The following ZNF462 variants were observed in gnomAD, a reference collection of about 807,000 sequenced individuals.
The protein encoded by ZNF462 is zinc finger protein 462.
In ZNF462, 10 loss-of-function variants were observed where a neutral mutation model predicts 201.9. The observed-to-expected ratio is 0.05, with a 90% CI of 0.03 to 0.08. The LOEUF (loss-of-function observed/expected upper bound fraction) is 0.08. Ranked by LOEUF, ZNF462 falls within the 10% of genes least tolerant of loss-of-function variation. ZNF462 has a pLI of 1.00. For missense variants in ZNF462, 2,523 were observed against 3,168.3 expected, an observed-to-expected ratio of 0.80 and a Z score of 4.89; for synonymous variants, 1,227 against 1,193.3, an observed-to-expected ratio of 1.03 and a Z score of -0.58.
intron 1 of ZNF462, 75 bp downstream of exon 1, chr9:106,863,430 C>G (rs758239929): frequency 1.3e-5 from 5 of 382,950 alleles, no homozygotes; most frequent in African/African-American, 2.1e-5. Context: ...GTGGTGGAGG[C>G]ACAAACGCGC....
At position 106,987,664 on chromosome 9, in the gene ZNF462, T is replaced by A. The variant is rs188124568; in HGVS notation, c.7056+3255T>A. Reference sequence around the variant, plus strand: ...TCTGCCATGCAAAAGCTCTTTAGTTTAAGTAAGTCCCAACTATTTATCTTT... The same window carrying A: ...TCTGCCATGCAAAAGCTCTTTAGTTAAAGTAAGTCCCAACTATTTATCTTT... On this transcript the variant is annotated intron_variant, in intron 10 of 12. Coordinates refer to ENST00000277225, the MANE Select transcript of ZNF462 (RefSeq NM_021224.6). 3.4e-3 allele frequency among the ~76,000 whole-genome samples: 511 copies of A among 152,342 alleles called. 1 individual carries two copies. Among genetic ancestry groups the A allele is most frequent in the Non-Finnish European group, 5.1e-3 (347 of 68,038 alleles).
intron 7 of ZNF462, among the ~76,000 whole-genome samples, chr9:106,959,166 C>A (rs969633811): frequency 7.9e-5 from 12 of 152,076 alleles, no homozygotes; most frequent in African/African-American, 2.7e-4. Flanking sequence ...CACAATCAAT[C>A]CCCTCCCCAC....
intron 7 of ZNF462, among the ~76,000 whole-genome samples, chr9:106,940,743 G>A (rs890635495): frequency 6.6e-6 from 1 of 151,984 alleles, no homozygotes; most frequent in African/African-American, 2.4e-5. Context: ...GGGGAAGGAA[G>A]CCTGTAGTGT....
At chr9:106,921,518 C>T (rs942888358) in intron 1 of ZNF462, among the ~76,000 whole-genome samples, 2 of 152,118 alleles carry the variant, frequency 1.3e-5, no homozygotes, top group African/African-American at 4.8e-5. Context: ...GCTCAGAGGA[C>T]TAGGGCAGCT....
Position 106,927,184 on chromosome 9 carries a change from C to G in ZNF462, c.3272C>G (p.Pro1091Arg). 1 of 1,613,708 alleles carries G rather than the reference C, an allele frequency of 6.2e-7. No homozygotes were observed. The highest frequency in any genetic ancestry group is 8.5e-7 in the Non-Finnish European group (1 of 1,179,964). ...TTTGAGGTGGGTGCTCCAATGTCTC[C>G]CAAAATGTCCAACATGGGTTCCCCA... Reference protein sequence around the residue: ...LSFEVGAPMSPKMSNMGSPPP... With the variant: ...LSFEVGAPMSRKMSNMGSPPP... Residue 1091 changes from proline to arginine, a missense_variant, in exon 3 of 13, where the codon CCC becomes CGC. This residue lies in a region of ZNF462 where 280 missense variants were observed against 321.3 expected (regional missense o/e 0.87). Transcript: ENST00000277225.
Position 106,890,258 on chromosome 9 carries a change from A to G in ZNF462, c.-31+26903A>G, listed in dbSNP as rs1399570288. Among the ~76,000 whole-genome samples, 1 of 152,216 alleles carries G rather than the reference A, an allele frequency of 6.6e-6. No individual in the cohort carries two copies. Among genetic ancestry groups the G allele is most frequent in the Non-Finnish European group, 1.5e-5 (1 of 68,034 alleles). On this transcript the variant is annotated intron_variant, in intron 1 of 12. Coordinates refer to ENST00000277225, the MANE Select transcript of ZNF462 (RefSeq NM_021224.6). The surrounding 1 kb of genome is among the most constrained non-coding windows in gnomAD (Gnocchi z 4.2). ...GGCCTCACTCTTCAATTCTGTTGTC[A>G]GCCTATGTTCCACAATCATTTGTGT...
intron 1 of ZNF462, among the ~76,000 whole-genome samples, chr9:106,900,686 C>T (rs974200051): frequency 6.6e-6 from 1 of 152,102 alleles, no homozygotes; most frequent in South Asian, 2.1e-4. Context: ...TGTATCTCTT[C>T]TTTTGAGAAT....
intron 7 of ZNF462, 32 bp from the exon 8 acceptor site, chr9:106,971,973 T>A: frequency 6.3e-7 from 1 of 1,595,584 alleles, no homozygotes; most frequent in Non-Finnish European, 8.6e-7. Flanking sequence ...GTGTTCTCTG[T>A]GCCCCGTGTC....
chr9:106,912,663 C>T (rs1187275473), intron 1 of ZNF462, among the ~76,000 whole-genome samples: 2 of 151,938 alleles, frequency 1.3e-5, no homozygotes, highest in Non-Finnish European at 2.9e-5. Context: ...AAGGCTTGGG[C>T]AGGTTATTTT....
Position 106,928,511 on chromosome 9 carries a change from C to T in ZNF462, c.4599C>T (p.His1533=). The T allele has an allele frequency of 6.2e-7, 1 of 1,614,184 alleles. No individual in the cohort carries two copies. The highest frequency in any genetic ancestry group is 2.2e-5 in the East Asian group (1 of 44,872). Reference sequence around the variant, plus strand: ...CCCGCATCCACGGCGTACTGACCCACTACCAGAAGCGACACCCGTCCATCA... The same window carrying T: ...CCCGCATCCACGGCGTACTGACCCATTACCAGAAGCGACACCCGTCCATCA... The part of the protein sequence containing the change: ...INTRIHGVLT[H]YQKRHPSIKV... Residue 1533 remains histidine, a synonymous_variant, in exon 3 of 13, where the codon CAC becomes CAT. Coordinates refer to ENST00000277225, the MANE Select transcript of ZNF462 (RefSeq NM_021224.6). The surrounding 1 kb of genome is among the most constrained non-coding windows in gnomAD (Gnocchi z 9.3).
chr9:106,997,161 T>G (rs1828798267), intron 10 of ZNF462, among the ~76,000 whole-genome samples: 1 of 152,070 alleles, frequency 6.6e-6, no homozygotes, highest in Non-Finnish European at 1.5e-5. Context: ...TGTACATATG[T>G]AAGGTGTACA....
intron 7 of ZNF462, among the ~76,000 whole-genome samples, chr9:106,960,961 A>C (rs1294851623): frequency 6.6e-6 from 1 of 152,112 alleles, no homozygotes; most frequent in Admixed American, 6.6e-5. Flanking sequence ...GGATGAGTGC[A>C]TTTCTAATGG....
rs1011558546 is a variant in ZNF462 at position 106,981,656 on chromosome 9, A to G, written c.6833-2530A>G. ...CTTCAGGGTGTTATTCTGACTATTCATGACTTTGTGTAAAATTCACTTAGA... is the reference window on the plus strand; with the variant it reads ...CTTCAGGGTGTTATTCTGACTATTCGTGACTTTGTGTAAAATTCACTTAGA... On this transcript the variant is annotated intron_variant, in intron 9 of 12. Transcript: ENST00000277225. The surrounding 1 kb of genome is among the most constrained non-coding windows in gnomAD (Gnocchi z 4.0). Among the ~76,000 whole-genome samples the G allele has an allele frequency of 6.6e-6, 1 of 152,228 alleles. No homozygotes were observed.
At chr9:107,002,960 C>CA (rs375087724) in intron 10 of ZNF462, among the ~76,000 whole-genome samples, 39 of 151,986 alleles carry the variant, frequency 2.6e-4, no homozygotes, top group African/African-American at 8.4e-4. Flanking sequence ...AATTCAACTA[C>CA]AAAAAAAATG....
At position 106,930,204 on chromosome 9, in the gene ZNF462, G is replaced by T. The variant is rs944230370; in HGVS notation, c.5848-321G>T. Among the ~76,000 whole-genome samples the T allele has an allele frequency of 1.3e-5, 2 of 152,122 alleles. No homozygotes were observed. Among genetic ancestry groups the T allele is most frequent in the Non-Finnish European group, 2.9e-5 (2 of 68,022 alleles). ...TTATTTTATCAAGAAGTTCATTAAT[G>T]GCGCAACTATGCAACGTTTCACCTG... On this transcript the variant is annotated intron_variant, in intron 3 of 12. Transcript: ENST00000277225. The surrounding 1 kb of genome is among the most constrained non-coding windows in gnomAD (Gnocchi z 5.8).
At position 106,890,340 on chromosome 9, in the gene ZNF462, A is replaced by G. The variant is rs1332278488; in HGVS notation, c.-31+26985A>G. On this transcript the variant is annotated intron_variant, in intron 1 of 12. Transcript: ENST00000277225. This position sits in a 1 kb window ranked among gnomAD's most constrained non-coding sequence, Gnocchi z 4.2. ...CAACACATGCAGTGCCCCTTCCGGG[A>G]ACACTGGTGATCTTCTGGTCTCTTG... is the stretch of plus-strand genomic sequence containing the variant. Among the ~76,000 whole-genome samples the G allele has an allele frequency of 6.6e-6, 1 of 152,230 alleles. No individual in the cohort carries two copies. The highest frequency in any genetic ancestry group is 6.5e-5 in the Admixed American group (1 of 15,288).
At chr9:106,898,900 A>C (rs189190047) in intron 1 of ZNF462, among the ~76,000 whole-genome samples, 1 of 151,856 alleles carries the variant, frequency 6.6e-6, no homozygotes, top group Non-Finnish European at 1.5e-5. Flanking sequence ...AGTAAGGAAC[A>C]TGAAAGCAGT....
chr9:106,871,062 T>G (rs1048070571), intron 1 of ZNF462, among the ~76,000 whole-genome samples: 2 of 152,200 alleles, frequency 1.3e-5, no homozygotes, highest in African/African-American at 4.8e-5. Flanking sequence ...ACACTGCAAA[T>G]GTGCCTTAAC....
At chr9:106,899,897 T>C (rs1189661929) in intron 1 of ZNF462, among the ~76,000 whole-genome samples, 2 of 152,050 alleles carry the variant, frequency 1.3e-5, no homozygotes, top group Non-Finnish European at 2.9e-5. Context: ...TTTGGTTACA[T>C]GAGTAAGTTC....
Sources: gnomAD v4.1 joint callset for allele counts (sites outside exome capture counted in the v4.1 genomes callset) on GRCh38, gnomAD v4.1.1 for gene constraint, gnomAD v4.1.1 regional missense constraint, Gnocchi (gnomAD v3.1) non-coding constraint, MANE v1.5 for transcripts, NCBI Gene and HGNC (gene_info 2026-07-23, HGNC 2026-07-21) for gene names.